Variants in TRIM22 observed in about 807,000 individuals in gnomAD.
TRIM22 encodes tripartite motif containing 22.
Under a neutral mutation model 53.6 loss-of-function variants are expected in TRIM22, and 45 were observed. The observed-to-expected ratio is 0.84, with a 90% CI of 0.66 to 1.08. The LOEUF (loss-of-function observed/expected upper bound fraction) is 1.08. TRIM22 is among the 50% of genes least tolerant of loss of function. The probability of loss-of-function intolerance (pLI) is 0.00; values close to 1 mark genes in which losing one functional copy is unlikely to be tolerated. For synonymous variants in TRIM22, 225 were observed against 216.6 expected (o/e 1.04, Z -0.34); for missense variants, 616 against 590.9 (o/e 1.04, Z -0.44).
rs897482209 is a variant in TRIM22, at chr11:5,709,639, G to T, written c.1488G>T (p.Pro496=). The T allele has an allele frequency of 6.2e-7, 1 of 1,602,350 alleles. No homozygotes were observed. The highest frequency in any genetic ancestry group is 1.7e-5 in the Admixed American group (1 of 59,948). ...TAGTCCCCATGACTGTGTGCCCACC[G>T]AGCTCCTGAGTGTTCTCATTCCTTT... ...NCLVPMTVCP[P]SS is the part of the protein sequence containing the mutation. Residue 496 remains proline, a synonymous_variant, in exon 8 of 8, where the codon CCG becomes CCT. Coordinates refer to ENST00000379965, the MANE Select transcript of TRIM22 (RefSeq NM_006074.5).
At chr11:5,690,793 T>G (rs1048073182) in intron 1 of TRIM22, among the ~76,000 whole-genome samples, 1 of 152,210 alleles carries the variant, frequency 6.6e-6, no homozygotes, top group African/African-American at 2.4e-5. Flanking sequence ...GCCTGTGCAA[T>G]GAAGCTTTGT....
rs1055965386 is a variant in TRIM22, at chr11:5,699,449, G to A, written c.750+904G>A. 2.1e-4 allele frequency among the ~76,000 whole-genome samples: 29 copies of A among 137,118 alleles called. 1 individual carries two copies. The East Asian group carries it at 3.0e-3, about 14-fold the overall frequency. The allele number at this position is 137,118 out of a possible 152,430, so 90.0% of individuals were successfully genotyped here. ...TGAGGCAGGAGAATGGCGTGAACCC[G>A]GGAAGCGGAGCTTGCAATGAACCGA... is the stretch of plus-strand genomic sequence containing the variant. On this transcript the variant is annotated intron_variant, in intron 4 of 7. Coordinates refer to ENST00000379965, the MANE Select transcript of TRIM22 (RefSeq NM_006074.5).
chr11:5,708,661 T>C, intron 7 of TRIM22, 58 bp downstream of exon 7: 3 of 1,478,042 alleles, frequency 2.0e-6, no homozygotes, highest in Non-Finnish European at 1.9e-6. Flanking sequence ...TACTATTAGA[T>C]CTCATAATCT....
At position 5,709,938 on chromosome 11, in the gene TRIM22, T is replaced by C. The variant is rs1039963120; in HGVS notation, c.*290T>C. On this transcript the variant is annotated 3_prime_UTR_variant, in exon 8 of 8. Coordinates refer to ENST00000379965, the MANE Select transcript of TRIM22 (RefSeq NM_006074.5). ...AGGGCTCTGTTCCATGCCTCTCTCC[T>C]TGGCTTGTAGAAGGCATCTTGTCCC... 1 of 366,058 alleles carries C rather than the reference T, an allele frequency of 2.7e-6. No homozygotes were observed. Among genetic ancestry groups the C allele is most frequent in the Non-Finnish European group, 4.9e-6 (1 of 203,228 alleles). The allele number at this position is 366,058 out of a possible 1,614,324, so 22.7% of individuals were successfully genotyped here. A position where few individuals can be genotyped will look rare whatever the true frequency, so the allele number is the denominator to read the frequency against.
chr11:5,704,862 A>G (rs994189076), intron 4 of TRIM22, among the ~76,000 whole-genome samples: 2 of 152,190 alleles, frequency 1.3e-5, no homozygotes, highest in Admixed American at 1.3e-4. Context: ...CCTGTTTCAC[A>G]AACAGTTTGG....
chr11:5,705,218 T>C (rs1853441164), intron 4 of TRIM22, among the ~76,000 whole-genome samples: 1 of 152,184 alleles, frequency 6.6e-6, no homozygotes, highest in Non-Finnish European at 1.5e-5. Context: ...TTGGAGTCGA[T>C]GGTTTGCATG....
intron 1 of TRIM22, among the ~76,000 whole-genome samples, chr11:5,694,050 G>A (rs1403920041): frequency 6.6e-6 from 1 of 152,152 alleles, no homozygotes; most frequent in African/African-American, 2.4e-5. Flanking sequence ...GTGTATAAAT[G>A]TCCCTTTTTG....
At chr11:5,708,716 C>CTT (rs35592896) in intron 7 of TRIM22, 113 bp downstream of exon 7, 142 of 606,824 alleles carry the variant, frequency 2.3e-4, no homozygotes, top group Middle Eastern at 5.0e-4. Flanking sequence ...CCATGTAGTT[C>CTT]TTTTTTTTTT....
At chr11:5,699,283 G>T (rs1271309698) in intron 4 of TRIM22, among the ~76,000 whole-genome samples, 1 of 128,318 alleles carries the variant, frequency 7.8e-6, no homozygotes, top group East Asian at 2.0e-4. Context: ...CCAGCACTTT[G>T]GGAGGCCGAG....
Position 5,698,554 on chromosome 11 carries a change from T to TG in TRIM22, c.750+12dup, listed in dbSNP as rs748487445. The TG allele has an allele frequency of 2.5e-5, 40 of 1,605,112 alleles. No homozygotes were observed. The highest frequency in any genetic ancestry group is 2.1e-4 in the African/African-American group (16 of 74,642). The stretch of plus-strand genomic sequence containing the variant: ...CAGTAGAGATGCTGCAGGTAAGACT[T>TG]GGGATGGAGCACCTACGTAAGAGAT... On this transcript the variant is annotated intron_variant, in intron 4 of 7. Transcript: ENST00000379965.
At chr11:5,694,918 A>C (rs1382028216) in intron 1 of TRIM22, among the ~76,000 whole-genome samples, 2 of 152,170 alleles carry the variant, frequency 1.3e-5, no homozygotes, top group East Asian at 3.8e-4. Context: ...TGTGGTCCCA[A>C]AGGTCAGCTA....
At chr11:5,700,186 A>G (rs10838553) in intron 4 of TRIM22, among the ~76,000 whole-genome samples, 90,992 of 151,264 alleles carry the variant, frequency 0.6, 27,634 homozygotes, top group African/African-American at 0.66. Flanking sequence ...GTGGTGGCAC[A>G]ATCTCACCTC....
intron 1 of TRIM22, among the ~76,000 whole-genome samples, chr11:5,693,344 T>C (rs568247662): frequency 6.6e-6 from 1 of 152,176 alleles, no homozygotes; most frequent in Non-Finnish European, 1.5e-5. Context: ...AAGGGGAGCA[T>C]GCATTTTGTT....
chr11:5,697,857 C>A (rs1394606252), intron 3 of TRIM22: 2 of 173,214 alleles, frequency 1.2e-5, no homozygotes, highest in Non-Finnish European at 2.5e-5. Flanking sequence ...GCATGTGCCA[C>A]CATGCCCAGC....
chr11:5,703,979 A>G (rs1414092144), intron 4 of TRIM22, among the ~76,000 whole-genome samples: 2 of 152,184 alleles, frequency 1.3e-5, no homozygotes, highest in African/African-American at 2.4e-5. Flanking sequence ...CTATTATTAT[A>G]AAGTCAAAAA....
At chr11:5,695,757 G>C (rs1489068279) in intron 1 of TRIM22, among the ~76,000 whole-genome samples, 2 of 152,064 alleles carry the variant, frequency 1.3e-5, no homozygotes, top group Non-Finnish European at 2.9e-5. Context: ...AAATATTGGG[G>C]ATACAATCAT....
In TRIM22 at chr11:5,696,379, C is replaced by G; in HGVS notation, c.147C>G (p.Ile49Met). 6.2e-7 allele frequency: 1 copy of G among 1,614,252 alleles called. No homozygotes were observed. The highest frequency in any genetic ancestry group is 1.3e-5 in the African/African-American group (1 of 75,062). Residue 49 changes from isoleucine to methionine, a missense_variant, in exon 2 of 8, where the codon ATC becomes ATG. Physicochemically the swap from Ile to Met is conservative, Grantham distance 10. Coordinates refer to ENST00000379965, the MANE Select transcript of TRIM22 (RefSeq NM_006074.5). ...CAAAGATCAAGGAGTCAGTGATCAT[C>G]TCAAGAGGGGAAAGCAGCTGTCCTG... ...ITAKIKESVI[I>M]SRGESSCPVC...
chr11:5,708,278 G>A lies in TRIM22; in HGVS notation c.874+5G>A, dbSNP rs1490080357. 2 of 1,608,660 alleles carry A rather than the reference G, an allele frequency of 1.2e-6. No individual in the cohort carries two copies. Among genetic ancestry groups the A allele is most frequent in the South Asian group, 2.2e-5 (2 of 90,974 alleles). ...GGATGCTGCAAGTTCTTAAAGGTAA[G>A]GGGATTCAGGGGAAGGCTGTGAATG... On this transcript the variant is annotated splice_donor_5th_base_variant and intron_variant, in intron 6 of 7. Transcript: ENST00000379965.
chr11:5,691,336 G>A (rs563116904), intron 1 of TRIM22, among the ~76,000 whole-genome samples: 68 of 152,254 alleles, frequency 4.5e-4, no homozygotes, highest in Non-Finnish European at 6.9e-4. Context: ...CAGGGGGTAC[G>A]TGACTGGGGG....
Sources: gnomAD v4.1 joint callset for allele counts (sites outside exome capture counted in the v4.1 genomes callset) on GRCh38, gnomAD v4.1.1 for gene constraint, MANE v1.5 for transcripts, NCBI Gene and HGNC (gene_info 2026-07-23, HGNC 2026-07-21) for gene names.